The following PDGFB variants were observed in gnomAD, a reference collection of about 807,000 sequenced individuals.
PDGFB encodes platelet derived growth factor subunit B, also known as platelet-derived growth factor subunit B.
PDGFB carries 6 observed loss-of-function variants against 29.0 expected under a neutral mutation model. That is an observed-to-expected ratio of 0.21 (90% CI 0.11 to 0.41). PDGFB has a LOEUF of 0.41. PDGFB is among the 10% of genes least tolerant of loss of function. The probability of loss-of-function intolerance (pLI) is 1.00; values close to 1 mark genes in which losing one functional copy is unlikely to be tolerated. For synonymous variants in PDGFB, 144 were observed against 140.8 expected, an observed-to-expected ratio of 1.02 and a Z score of -0.16; for missense variants, 299 against 341.8, an observed-to-expected ratio of 0.87 and a Z score of 0.99.
rs1932577942 is a variant in PDGFB, at chr22:39,242,001, G to A, written c.63+1900C>T. ...AATGGGGCCGCTACAGAGGTGGTGA[G>A]GTGCCAGGGCCCACGGAGGGCCCAC... On this transcript the variant is annotated intron_variant, in intron 1 of 6. Transcript: ENST00000331163. The surrounding 1 kb of genome is among the most constrained non-coding windows in gnomAD (Gnocchi z 5.7). 6.6e-6 allele frequency among the ~76,000 whole-genome samples: 1 copy of A among 152,210 alleles called. No homozygotes were observed. Among genetic ancestry groups the A allele is most frequent in the Non-Finnish European group, 1.5e-5 (1 of 68,026 alleles).
At chr22:39,228,897 T>A (rs538154987) in intron 5 of PDGFB, among the ~76,000 whole-genome samples, 2,770 of 97,400 alleles carry the variant, frequency 0.028, 97 homozygotes, top group African/African-American at 0.085. Flanking sequence ...AAAAAAAATA[T>A]ATATATATAT....
chr22:39,233,416 T>A lies in PDGFB; in HGVS notation c.250+19A>T, dbSNP rs1932360017. ...CCCATGCTAATTTGAAGGACCCTTG[T>A]TGGGTGTCTCAGTCTTACCCAGGCT... On this transcript the variant is annotated intron_variant, in intron 3 of 6. Transcript: ENST00000331163. 8.9e-6 allele frequency: 14 copies of A among 1,573,864 alleles called. No individual in the cohort carries two copies. Among genetic ancestry groups the A allele is most frequent in the East Asian group, 2.4e-5 (1 of 42,510 alleles).
chr22:39,241,157 G>A (rs1357892903), intron 1 of PDGFB: 6 of 533,310 alleles, frequency 1.1e-5, no homozygotes, highest in South Asian at 4.6e-5. Flanking sequence ...TCACGTGACA[G>A]TGGGACTCGC....
intron 1 of PDGFB, chr22:39,240,919 GCGCACACA>G: frequency 8.1e-7 from 1 of 1,238,686 alleles, no homozygotes. Flanking sequence ...TCTCTCAGAT[GCGCACACA>G]CACACACACA....
At chr22:39,226,258 C>G (rs894911701) in intron 5 of PDGFB, among the ~76,000 whole-genome samples, 6 of 152,204 alleles carry the variant, frequency 3.9e-5, no homozygotes, top group Non-Finnish European at 8.8e-5. Flanking sequence ...GGAGTTGGAT[C>G]TGGTTAACCA....
In PDGFB at chr22:39,233,108, C is replaced by T. The variant is rs568460029; in HGVS notation, c.250+327G>A. On this transcript the variant is annotated intron_variant, in intron 3 of 6. Transcript: ENST00000331163. ...CTACCGCTCCCTAGCAGTGTGACCTCGCCTAGTTCTTTACCCTCTCTGGGC... is the reference window on the plus strand; with the variant it reads ...CTACCGCTCCCTAGCAGTGTGACCTTGCCTAGTTCTTTACCCTCTCTGGGC... 5.3e-5 allele frequency among the ~76,000 whole-genome samples: 8 copies of T among 152,282 alleles called. No homozygotes were observed. In the South Asian group the frequency reaches 1.2e-3, roughly 24 times the overall value.
rs972134786 is a variant in PDGFB, at chr22:39,242,974, G to A, written c.63+927C>T. Reference sequence around the variant, plus strand: ...ACTCACGGCTACGTGAGGCTGGGAGGGGTGGGGACGGCTCCGACCCCAGCG... The same window carrying A: ...ACTCACGGCTACGTGAGGCTGGGAGAGGTGGGGACGGCTCCGACCCCAGCG... On this transcript the variant is annotated intron_variant, in intron 1 of 6. Transcript: ENST00000331163. This position sits in a 1 kb window ranked among gnomAD's most constrained non-coding sequence, Gnocchi z 5.7. 2.1e-5 allele frequency: 5 copies of A among 233,056 alleles called. No homozygotes were observed. The highest frequency in any genetic ancestry group is 8.8e-5 in the African/African-American group (4 of 45,348). 14.4% of individuals were successfully genotyped at this position (233,056 alleles called of 1,614,324 possible).
At position 39,242,207 on chromosome 22, in the gene PDGFB, G is replaced by C. The variant is rs1249832543; in HGVS notation, c.63+1694C>G. ...ACGGGCGTGGCAGAGGCGGGCGCGC[G>C]ACCTGGCCGCGGTAGTGCGTGCCCG... On this transcript the variant is annotated intron_variant, in intron 1 of 6. Coordinates refer to ENST00000331163, the MANE Select transcript of PDGFB (RefSeq NM_002608.4). This position sits in a 1 kb window ranked among gnomAD's most constrained non-coding sequence, Gnocchi z 5.7. 1.9e-5 allele frequency: 4 copies of C among 215,136 alleles called. No individual in the cohort carries two copies. The highest frequency in any genetic ancestry group is 6.8e-5 in the African/African-American group (3 of 44,334). The allele number at this position is 215,136 out of a possible 1,614,324, so 13.3% of individuals were successfully genotyped here. A position where few individuals can be genotyped will look rare whatever the true frequency, so the allele number is the denominator to read the frequency against.
At chr22:39,237,931 T>C (rs1277500089) in intron 1 of PDGFB, among the ~76,000 whole-genome samples, 4 of 152,242 alleles carry the variant, frequency 2.6e-5, no homozygotes, top group African/African-American at 9.6e-5. Context: ...CCTGGATCAC[T>C]GGCAGAAGGA....
intron 5 of PDGFB, among the ~76,000 whole-genome samples, chr22:39,228,594 T>TA (rs1166276726): frequency 6.7e-6 from 1 of 149,146 alleles, no homozygotes; most frequent in African/African-American, 2.5e-5. Flanking sequence ...CCCTGTCTCT[T>TA]AAAAAAGAAA....
At position 39,230,078 on chromosome 22, in the gene PDGFB, G is replaced by A; in HGVS notation, c.601+6C>T. On this transcript the variant is annotated splice_donor_region_variant and intron_variant, in intron 5 of 6. Transcript: ENST00000331163. ...GGCTGAGGGCTGAGCCTGGAAAGGT[G>A]GTTACCTCGCTGCTCCTGGGAACCC... 6.2e-7 allele frequency: 1 copy of A among 1,613,350 alleles called. No homozygotes were observed. Among genetic ancestry groups the A allele is most frequent in the East Asian group, 2.2e-5 (1 of 44,878 alleles).
Position 39,244,052 on chromosome 22 carries a change from G to A in PDGFB, c.-89C>T, listed in dbSNP as rs1181478625. 3 of 632,738 alleles carry A rather than the reference G, an allele frequency of 4.7e-6. No individual in the cohort carries two copies. The highest frequency in any genetic ancestry group is 5.0e-6 in the Non-Finnish European group (2 of 397,196). 39.2% of individuals were successfully genotyped at this position (632,738 alleles called of 1,614,324 possible). On this transcript the variant is annotated 5_prime_UTR_variant, in exon 1 of 7. Coordinates refer to ENST00000331163, the MANE Select transcript of PDGFB (RefSeq NM_002608.4). The surrounding 1 kb of genome is among the most constrained non-coding windows in gnomAD (Gnocchi z 4.5). ...CCAGGGTGGGGGGCTGGGGAGGGGGGTGGGCTCGGCTCGGGTCCGCGGCGA... is the reference window on the plus strand; with the variant it reads ...CCAGGGTGGGGGGCTGGGGAGGGGGATGGGCTCGGCTCGGGTCCGCGGCGA...
rs1555924180 is a variant in PDGFB, at chr22:39,243,626, TG to T, written c.63+274del. On this transcript the variant is annotated intron_variant, in intron 1 of 6. Transcript: ENST00000331163. This position sits in a 1 kb window ranked among gnomAD's most constrained non-coding sequence, Gnocchi z 6.4. Reference sequence around the variant, plus strand: ...GGCTTGTTCTCGGGTTCCCAAAGGGTGGGGGACAGGGCCACACACACCCTCC... The same window carrying T: ...GGCTTGTTCTCGGGTTCCCAAAGGGTGGGGACAGGGCCACACACACCCTCC... 6.6e-6 allele frequency among the ~76,000 whole-genome samples: 1 copy of T among 151,438 alleles called. No homozygotes were observed. Among genetic ancestry groups the T allele is most frequent in the Non-Finnish European group, 1.5e-5 (1 of 67,816 alleles).
chr22:39,230,321 C>T (rs1569135467), intron 4 of PDGFB, 93 bp from the exon 5 acceptor site: 4 of 1,304,076 alleles, frequency 3.1e-6, no homozygotes, highest in Non-Finnish European at 3.3e-6. Flanking sequence ...CCCGGTGTCC[C>T]CTGCAGCAAT....
intron 5 of PDGFB, among the ~76,000 whole-genome samples, chr22:39,227,550 C>T (rs1299084739): frequency 6.8e-6 from 1 of 146,102 alleles, no homozygotes; most frequent in Non-Finnish European, 1.5e-5. Flanking sequence ...CTGTTACCGG[C>T]AGATGCTGTT....
intron 1 of PDGFB, among the ~76,000 whole-genome samples, chr22:39,239,216 C>T (rs1249949254): frequency 6.6e-6 from 1 of 152,184 alleles, no homozygotes; most frequent in Non-Finnish European, 1.5e-5. Context: ...GCGAGTGGCA[C>T]ACGTGCTCAG....
chr22:39,231,475 C>G lies in PDGFB; in HGVS notation c.456+147G>C, dbSNP rs1254076808. ...GGAAGAGCTTCCCAAGAGTGGGCCTCTCTGGACAGAGCCCAGGAACAAATC... is the reference window on the plus strand; with the variant it reads ...GGAAGAGCTTCCCAAGAGTGGGCCTGTCTGGACAGAGCCCAGGAACAAATC... On this transcript the variant is annotated intron_variant, in intron 4 of 6. Transcript: ENST00000331163. This position sits in a 1 kb window ranked among gnomAD's most constrained non-coding sequence, Gnocchi z 4.3. 2.2e-5 allele frequency: 15 copies of G among 679,930 alleles called. No individual in the cohort carries two copies. The highest frequency in any genetic ancestry group is 3.2e-5 in the Non-Finnish European group (13 of 410,932). 42.1% of individuals were successfully genotyped at this position (679,930 alleles called of 1,614,324 possible).
At chr22:39,234,838 G>A (rs990603672) in intron 2 of PDGFB, among the ~76,000 whole-genome samples, 3 of 152,242 alleles carry the variant, frequency 2.0e-5, no homozygotes, top group African/African-American at 7.2e-5. Flanking sequence ...CTGAGGGTGG[G>A]GGTGTAAAGG....
chr22:39,232,319 T>TA (rs1421559111), intron 3 of PDGFB, among the ~76,000 whole-genome samples: 1 of 152,180 alleles, frequency 6.6e-6, no homozygotes, highest in Non-Finnish European at 1.5e-5. Context: ...TGAAATGGGA[T>TA]AATAACAGCA....
Sources: allele counts gnomAD v4.1 joint callset (sites outside exome capture counted in the v4.1 genomes callset), GRCh38; gene constraint gnomAD v4.1.1; non-coding constraint Gnocchi (gnomAD v3.1); transcripts MANE v1.5; gene names NCBI Gene and HGNC (gene_info 2026-07-23, HGNC 2026-07-21).